The following CLPB variants were observed in gnomAD, a reference collection of about 807,000 sequenced individuals.
The protein encoded by CLPB is mitochondrial disaggregase.
CLPB carries 40 observed loss-of-function variants against 78.4 expected under a neutral mutation model. The observed-to-expected ratio is 0.51, with a 90% CI of 0.40 to 0.66. The LOEUF (loss-of-function observed/expected upper bound fraction) is 0.66, where lower values mean the gene tolerates loss of function less well. Ranked by LOEUF, CLPB falls within the 30% of genes least tolerant of loss-of-function variation. The pLI is 0.00. For missense variants in CLPB, 780 were observed against 886.9 expected (o/e 0.88, Z 1.53); for synonymous variants, 333 against 348.0 (o/e 0.96, Z 0.48).
Position 72,293,287 on chromosome 11 carries a change from G to T in CLPB, c.*80C>A. 1 of 1,528,476 alleles carries T rather than the reference G, an allele frequency of 6.5e-7. No homozygotes were observed. Among genetic ancestry groups the T allele is most frequent in the Non-Finnish European group, 8.9e-7 (1 of 1,119,610 alleles). 94.7% of individuals were successfully genotyped at this position (1,528,476 alleles called of 1,614,324 possible). A position where few individuals can be genotyped will look rare whatever the true frequency, so the allele number is the denominator to read the frequency against. ...GGGTAGAGATGGGAGCGGCATGAGG[G>T]GAAGGTAAGTCAGTTGCCATGCCAC... is the stretch of plus-strand genomic sequence containing the variant. On this transcript the variant is annotated 3_prime_UTR_variant, in exon 16 of 16. Transcript: ENST00000538039.
chr11:72,294,634 G>A lies in CLPB; in HGVS notation c.1546C>T (p.Arg516Cys), dbSNP rs748289105. The A allele has an allele frequency of 1.4e-5, 22 of 1,613,880 alleles. No individual in the cohort carries two copies. The highest frequency in any genetic ancestry group is 2.2e-5 in the South Asian group (2 of 91,066). Residue 516 changes from arginine to cysteine, a missense_variant, in exon 13 of 16, where the codon CGC becomes TGC. Transcript: ENST00000538039. ...AGACCTCTTACTTTCAGGATAGGGC[G>A]AATCACATTCTCCTTGAAGTTCTTT... ...ISKNFKENVI[R>C]PILKAHFRRD...
chr11:72,362,255 G>A (rs1950854037), intron 4 of CLPB, among the ~76,000 whole-genome samples: 1 of 152,166 alleles, frequency 6.6e-6, no homozygotes, highest in Non-Finnish European at 1.5e-5. Context: ...GTTCCTAAGA[G>A]CTCCTCTAGC....
intron 2 of CLPB, among the ~76,000 whole-genome samples, chr11:72,412,941 T>G (rs1157021875): frequency 1.3e-5 from 2 of 152,150 alleles, no homozygotes; most frequent in Admixed American, 1.3e-4. Context: ...TTTGAAATAA[T>G]TTCAAACTTA....
At chr11:72,414,503 C>T (rs920534906) in intron 2 of CLPB, among the ~76,000 whole-genome samples, 1 of 152,182 alleles carries the variant, frequency 6.6e-6, no homozygotes, top group Non-Finnish European at 1.5e-5. Context: ...ACAAAATTTC[C>T]AGTAAAGAAG....
chr11:72,405,060 G>C (rs1221390523), intron 2 of CLPB, among the ~76,000 whole-genome samples: 1 of 152,160 alleles, frequency 6.6e-6, no homozygotes, highest in Non-Finnish European at 1.5e-5. Context: ...TCGCTTCTCT[G>C]ACCCTCAGTC....
chr11:72,308,519 C>T lies in CLPB; in HGVS notation c.1066+8G>A. The T allele has an allele frequency of 6.2e-7, 1 of 1,613,534 alleles. No homozygotes were observed. Among genetic ancestry groups the T allele is most frequent in the South Asian group, 1.1e-5 (1 of 91,072 alleles). On this transcript the variant is annotated splice_region_variant and intron_variant, in intron 8 of 15. Coordinates refer to ENST00000538039, the MANE Select transcript of CLPB (RefSeq NM_001258392.3). ...TCTGTCCCCACTGGCTGATCTGCTC[C>T]CAATTACCTATTCCAGATGATCCCA... is the stretch of plus-strand genomic sequence containing the variant.
At chr11:72,346,789 C>T (rs1212995540) in intron 5 of CLPB, among the ~76,000 whole-genome samples, 3 of 151,612 alleles carry the variant, frequency 2.0e-5, no homozygotes, top group Non-Finnish European at 4.4e-5. Flanking sequence ...ATCAGTCTGG[C>T]CAACATGGTG....
intron 2 of CLPB, among the ~76,000 whole-genome samples, chr11:72,404,302 G>A (rs577732368): frequency 3.9e-5 from 6 of 152,326 alleles, no homozygotes; most frequent in Non-Finnish European, 5.9e-5. Context: ...GGGAAGCTAG[G>A]AGGCTGTTTT....
intron 5 of CLPB, among the ~76,000 whole-genome samples, chr11:72,339,950 T>A (rs111889187): frequency 1.2e-3 from 180 of 152,360 alleles, no homozygotes; most frequent in Admixed American, 2.5e-3. Flanking sequence ...AAACAGAATT[T>A]GTGCATTTTT....
In CLPB at chr11:72,358,747, G is replaced by A. The variant is rs556010342; in HGVS notation, c.775+133C>T. The A allele has an allele frequency of 1.3e-5, 10 of 760,868 alleles. No homozygotes were observed. The African/African-American group carries it at 1.4e-4, about 11-fold the overall frequency. The allele number at this position is 760,868 out of a possible 1,614,324, so 47.1% of individuals were successfully genotyped here. A position where few individuals can be genotyped will look rare whatever the true frequency, so the allele number is the denominator to read the frequency against. ...GGATAACAGGGCTCTGGGGAAGTATGTTATTTCCAGAATAGTGAGGCTGCC... is the reference window on the plus strand; with the variant it reads ...GGATAACAGGGCTCTGGGGAAGTATATTATTTCCAGAATAGTGAGGCTGCC... On this transcript the variant is annotated intron_variant, in intron 5 of 15. Transcript: ENST00000538039.
At chr11:72,380,918 TA>T (rs1263868074) in intron 3 of CLPB, among the ~76,000 whole-genome samples, 4 of 152,078 alleles carry the variant, frequency 2.6e-5, no homozygotes, top group African/African-American at 9.7e-5. Flanking sequence ...CAAAGTGTGA[TA>T]AAGGTTACGA....
chr11:72,302,017 C>T, intron 10 of CLPB, 53 bp from the exon 11 acceptor site: 2 of 1,584,784 alleles, frequency 1.3e-6, no homozygotes, highest in Non-Finnish European at 1.7e-6. Flanking sequence ...TTTTAGTTTC[C>T]AACATGGGGC....
At chr11:72,421,265 T>C (rs962271956) in intron 2 of CLPB, among the ~76,000 whole-genome samples, 1 of 152,168 alleles carries the variant, frequency 6.6e-6, no homozygotes, top group African/African-American at 2.4e-5. Context: ...TCTGTCTCTG[T>C]ACAGGGGAGC....
chr11:72,308,061 G>A (rs1392640205), intron 8 of CLPB, among the ~76,000 whole-genome samples: 1 of 152,182 alleles, frequency 6.6e-6, no homozygotes, highest in Non-Finnish European at 1.5e-5. Context: ...AGCCCAACTG[G>A]CTAGAAAAAT....
At chr11:72,359,678 T>G (rs1950796080) in intron 4 of CLPB, among the ~76,000 whole-genome samples, 1 of 152,236 alleles carries the variant, frequency 6.6e-6, no homozygotes, top group Non-Finnish European at 1.5e-5. Flanking sequence ...AGAAACTATG[T>G]GTCAGATTTT....
chr11:72,367,582 G>T (rs1031220504), intron 4 of CLPB, among the ~76,000 whole-genome samples: 1 of 152,084 alleles, frequency 6.6e-6, no homozygotes, highest in African/African-American at 2.4e-5. Flanking sequence ...CTGTTGGATG[G>T]CAACAATAGA....
At chr11:72,406,900 A>G (rs1157706110) in intron 2 of CLPB, among the ~76,000 whole-genome samples, 3 of 152,076 alleles carry the variant, frequency 2.0e-5, no homozygotes, top group Admixed American at 6.6e-5. Flanking sequence ...GGGTGTGTGT[A>G]GGTACGTGTG....
At chr11:72,306,475 G>A (rs1034993913) in intron 9 of CLPB, among the ~76,000 whole-genome samples, 2 of 152,164 alleles carry the variant, frequency 1.3e-5, no homozygotes, top group Non-Finnish European at 2.9e-5. Flanking sequence ...AAATGTTTTT[G>A]CACTCTCTCC....
At chr11:72,400,122 G>A (rs1037581202) in intron 3 of CLPB, among the ~76,000 whole-genome samples, 3 of 151,988 alleles carry the variant, frequency 2.0e-5, no homozygotes, top group African/African-American at 7.3e-5. Flanking sequence ...TCTACCAAAG[G>A]ACCACAACTA....
Sources: allele counts gnomAD v4.1 joint callset (sites outside exome capture counted in the v4.1 genomes callset), GRCh38; gene constraint gnomAD v4.1.1; transcripts MANE v1.5; gene names NCBI Gene and HGNC (gene_info 2026-07-23, HGNC 2026-07-21).